SV2C: variants seen among roughly 807,000 people sequenced by gnomAD.
The protein encoded by SV2C is solute carrier family 22 member B3.
Under a neutral mutation model 79.7 loss-of-function variants are expected in SV2C, and 49 were observed. The observed-to-expected ratio is 0.61, with a 90% CI of 0.49 to 0.78. SV2C has a LOEUF of 0.78. SV2C is among the 30% of genes least tolerant of loss of function. The pLI is 0.00. For missense variants in SV2C, 833 were observed against 912.9 expected, an observed-to-expected ratio of 0.91 and a Z score of 1.13; for synonymous variants, 334 against 333.2, an observed-to-expected ratio of 1.00 and a Z score of -0.03.
At chr5:76,020,573 C>T in the SV2C span, among the ~76,000 whole-genome samples, 1 of 152,154 alleles carries the variant, frequency 6.6e-6, no homozygotes, top group African/African-American at 2.4e-5. Context: ...AGTAACTGAG[C>T]AGAACTTTTT....
At chr5:75,922,177 T>C in the SV2C span, among the ~76,000 whole-genome samples, 7 of 152,142 alleles carry the variant, frequency 4.6e-5, no homozygotes, top group African/African-American at 1.7e-4. Context: ...CACATTTAAA[T>C]AACTGAATTT....
At chr5:76,049,294 G>A in the SV2C span, among the ~76,000 whole-genome samples, 27 of 143,286 alleles carry the variant, frequency 1.9e-4, no homozygotes, top group South Asian at 2.2e-4. Flanking sequence ...CTGAGATCGC[G>A]CCACTGCACT....
At chr5:75,989,365 T>C in the SV2C span, among the ~76,000 whole-genome samples, 1 of 152,024 alleles carries the variant, frequency 6.6e-6, no homozygotes, top group Non-Finnish European at 1.5e-5. Flanking sequence ...CTCCCACTTA[T>C]AAGTGAGAGC....
At chr5:76,043,434 G>A in the SV2C span, among the ~76,000 whole-genome samples, 4 of 152,184 alleles carry the variant, frequency 2.6e-5, no homozygotes, top group African/African-American at 4.8e-5. Context: ...GTTGTCAAAA[G>A]TCACTCATAG....
At chr5:76,138,562 C>G (rs889587696) in intron 2 of SV2C, among the ~76,000 whole-genome samples, 2 of 152,124 alleles carry the variant, frequency 1.3e-5, no homozygotes, top group African/African-American at 2.4e-5. Context: ...TTGATTGCCT[C>G]AGAGAATTAA....
At chr5:76,250,994 C>T (rs1239933800) in intron 4 of SV2C, among the ~76,000 whole-genome samples, 1 of 152,166 alleles carries the variant, frequency 6.6e-6, no homozygotes, top group Non-Finnish European at 1.5e-5. Context: ...TTCCTGGGGT[C>T]CTATTGTTTC....
intron 4 of SV2C, among the ~76,000 whole-genome samples, chr5:76,271,452 AC>A (rs1746851486): frequency 6.6e-6 from 1 of 152,228 alleles, no homozygotes; most frequent in African/African-American, 2.4e-5. Flanking sequence ...TTTGAACAAC[AC>A]AATCAACAAA....
the SV2C span, among the ~76,000 whole-genome samples, chr5:75,933,389 A>G: frequency 1.0e-3 from 158 of 152,284 alleles, no homozygotes; most frequent in African/African-American, 3.6e-3. Flanking sequence ...GCCAGTTTGT[A>G]TCAATTATAT....
chr5:76,151,425 A>G (rs1002761891), intron 2 of SV2C, among the ~76,000 whole-genome samples: 1 of 152,162 alleles, frequency 6.6e-6, no homozygotes, highest in Admixed American at 6.5e-5. Flanking sequence ...GACATGGTGA[A>G]ATGTCATTTG....
intron 12 of SV2C, among the ~76,000 whole-genome samples, chr5:76,303,275 C>A (rs1748071813): frequency 6.6e-6 from 1 of 152,176 alleles, no homozygotes; most frequent in Non-Finnish European, 1.5e-5. Flanking sequence ...CGAGGTCCTG[C>A]CAGAGTTGGT....
chr5:76,072,757 A>C, the SV2C span, among the ~76,000 whole-genome samples: 1 of 152,162 alleles, frequency 6.6e-6, no homozygotes, highest in South Asian at 2.1e-4. Flanking sequence ...CACCACATCC[A>C]GACCAACGTC....
the SV2C span, among the ~76,000 whole-genome samples, chr5:75,896,391 A>T: frequency 9.9e-5 from 15 of 151,196 alleles, no homozygotes; most frequent in Admixed American, 6.6e-4. Flanking sequence ...AAGGACGTGA[A>T]CTCATCATTT....
intron 12 of SV2C, among the ~76,000 whole-genome samples, chr5:76,352,603 C>T (rs1749662400): frequency 6.6e-6 from 1 of 152,184 alleles, no homozygotes; most frequent in South Asian, 2.1e-4. Flanking sequence ...GTCCCTTGGA[C>T]CTCTCAGCCT....
the SV2C span, among the ~76,000 whole-genome samples, chr5:75,872,434 G>A: frequency 6.6e-6 from 1 of 151,846 alleles, no homozygotes. Context: ...TATTTTTTGG[G>A]AAAAACAGCA....
At chr5:76,342,067 C>G (rs2112585790) in intron 12 of SV2C, among the ~76,000 whole-genome samples, 1 of 152,304 alleles carries the variant, frequency 6.6e-6, no homozygotes, top group East Asian at 1.9e-4. Flanking sequence ...GCACAGGGCC[C>G]TTCTCAGTGC....
chr5:76,219,583 T>G (rs986584802), intron 4 of SV2C, among the ~76,000 whole-genome samples: 1 of 152,172 alleles, frequency 6.6e-6, no homozygotes, highest in Non-Finnish European at 1.5e-5. Context: ...AAGCCAGGTC[T>G]CCCAGCCCAG....
intron 3 of SV2C, among the ~76,000 whole-genome samples, chr5:76,204,953 A>G (rs1029610572): frequency 3.9e-5 from 6 of 152,220 alleles, no homozygotes; most frequent in African/African-American, 1.4e-4. Context: ...GTTGTGCTAA[A>G]CTGGTTTAAC....
intron 2 of SV2C, among the ~76,000 whole-genome samples, chr5:76,165,627 T>C (rs1561244705): frequency 6.6e-6 from 1 of 152,178 alleles, no homozygotes; most frequent in African/African-American, 2.4e-5. Context: ...GCTTTTTTTT[T>C]CTTTTTTACT....
At chr5:76,340,880 G>A (rs926719483) in intron 12 of SV2C, among the ~76,000 whole-genome samples, 1 of 151,062 alleles carries the variant, frequency 6.6e-6, no homozygotes, top group Non-Finnish European at 1.5e-5. Context: ...AAAGTACTGG[G>A]ATTACAGTCA....
Sources: allele counts gnomAD v4.1 joint callset (sites outside exome capture counted in the v4.1 genomes callset), GRCh38; gene constraint gnomAD v4.1.1; transcripts MANE v1.5; gene names NCBI Gene and HGNC (gene_info 2026-07-23, HGNC 2026-07-21).